TAF1: variants seen among roughly 807,000 people sequenced by gnomAD.
TAF1 encodes the protein transcription initiation factor TFIID subunit 1.
Under a neutral mutation model 138.5 loss-of-function variants are expected in TAF1, and 2 were observed. The ratio of observed to expected loss-of-function variants is 0.01; its 90% CI spans 0.01 to 0.05. The LOEUF is 0.05. Among genes scored for constraint, TAF1 ranks in the 10% least tolerant of loss-of-function variants. The probability of loss-of-function intolerance (pLI) is 1.00; values close to 1 mark genes in which losing one functional copy is unlikely to be tolerated. For missense variants in TAF1, 709 were observed against 1,478.0 expected, an observed-to-expected ratio of 0.48 and a Z score of 8.53; for synonymous variants, 437 against 503.2, an observed-to-expected ratio of 0.87 and a Z score of 1.76.
At chrX:71,451,180 C>CT (rs1323540000) in intron 32 of TAF1, among the ~76,000 whole-genome samples, 2 of 112,154 alleles carry the variant, frequency 1.8e-5, no homozygotes, top group Non-Finnish European at 3.8e-5. Context: ...ACAAACTGAA[C>CT]TAATTTTTTA....
intron 1 of TAF1, among the ~76,000 whole-genome samples, chrX:71,366,751 C>T (rs1327425277): frequency 1.8e-5 from 2 of 111,209 alleles, no homozygotes; most frequent in Non-Finnish European, 3.8e-5. Flanking sequence ...TAGCGCTCTG[C>T]CGACCAGACA....
At chrX:71,499,699 A>G (rs894596859) in intron 13 of TAF1, among the ~76,000 whole-genome samples, 1 of 111,052 alleles carries the variant, frequency 9.0e-6, no homozygotes, top group Non-Finnish European at 1.9e-5. Flanking sequence ...CATACTGGGG[A>G]CGGCTTGCTG....
rs12558071 is a variant in TAF1 at position 71,418,326 on chromosome X, G to T, written c.4385-2983G>T. On this transcript the variant is annotated intron_variant, in intron 28 of 37. Transcript: ENST00000423759. ...TGCCCAGGCTGGTCTCAAACTCCTA[G>T]GCTGAAGCAATCCTCCTGCCTCAGT... is the stretch of plus-strand genomic sequence containing the variant. 6.5e-3 allele frequency among the ~76,000 whole-genome samples: 728 copies of T among 111,793 alleles called. 21 individuals are homozygous for T. Among genetic ancestry groups the T allele is most frequent in the Admixed American group, 0.061 (641 of 10,475 alleles).
chrX:71,421,244 AAAG>A, intron 28 of TAF1, 62 bp from the exon 29 acceptor site: 1 of 1,004,809 alleles, frequency 1.0e-6, no homozygotes, highest in South Asian at 2.0e-5. Flanking sequence ...TTAAAAGGAT[AAAG>A]AAGTGTTGGC....
chrX:71,458,833 A>G (rs1259400659), intron 35 of TAF1, among the ~76,000 whole-genome samples: 2 of 111,806 alleles, frequency 1.8e-5, no homozygotes, highest in Non-Finnish European at 3.8e-5. Flanking sequence ...AAAGTGTAAA[A>G]CCCAGGAGGG....
At chrX:71,469,145 TA>T (rs1168266521), downstream of TAF1, among the ~76,000 whole-genome samples, 1 of 110,436 alleles carries the variant, frequency 9.1e-6, no homozygotes, top group Non-Finnish European at 1.9e-5. Flanking sequence ...TCTACTAAAA[TA>T]AAAAAACAAT....
At chrX:71,423,871 A>G in intron 30 of TAF1, 103 bp from the exon 31 acceptor site, 1 of 604,877 alleles carries the variant, frequency 1.7e-6, no homozygotes, top group Non-Finnish European at 2.6e-6. Flanking sequence ...CTAGGAAAAG[A>G]GTCCATAGCT....
At chrX:71,471,985 T>C (rs182525827) in intron 13 of TAF1, among the ~76,000 whole-genome samples, 2 of 112,207 alleles carry the variant, frequency 1.8e-5, no homozygotes, top group African/African-American at 6.5e-5. Flanking sequence ...GCAAAGGGCA[T>C]AGCCTCTGGT....
intron 25 of TAF1, among the ~76,000 whole-genome samples, chrX:71,406,100 G>C (rs1317979598): frequency 9.1e-6 from 1 of 110,251 alleles, no homozygotes; most frequent in Admixed American, 9.7e-5. Context: ...ATGCCAAGGT[G>C]GGTGGATCAC....
chrX:71,388,623 C>A, intron 16 of TAF1, 115 bp from the exon 17 acceptor site: 1 of 1,038,490 alleles, frequency 9.6e-7, no homozygotes, highest in Non-Finnish European at 1.3e-6. Flanking sequence ...GCCAGTCATG[C>A]CAACTGTGGC....
At chrX:71,443,467 G>T (rs942263698) in intron 32 of TAF1, among the ~76,000 whole-genome samples, 1 of 111,340 alleles carries the variant, frequency 9.0e-6, no homozygotes, top group South Asian at 3.8e-4. Flanking sequence ...CTGTTGGTCT[G>T]TTATTGGTGT....
At chrX:71,396,295 CTTTTTT>C (rs368521405) in intron 22 of TAF1, among the ~76,000 whole-genome samples, 31 of 93,386 alleles carry the variant, frequency 3.3e-4, no homozygotes, top group Non-Finnish European at 6.2e-4. Flanking sequence ...TGCTTGGGTA[CTTTTTT>C]TTTTTTTTTT....
At chrX:71,451,172 A>G (rs1415402423) in intron 32 of TAF1, among the ~76,000 whole-genome samples, 4 of 112,525 alleles carry the variant, frequency 3.6e-5, no homozygotes, top group Non-Finnish European at 7.5e-5. Flanking sequence ...CCATTTTTAC[A>G]AACTGAACTA....
intron 13 of TAF1, among the ~76,000 whole-genome samples, chrX:71,502,288 CAG>C (rs1447245824): frequency 9.0e-6 from 1 of 111,112 alleles, no homozygotes; most frequent in South Asian, 3.8e-4. Flanking sequence ...TAGCTAGACA[CAG>C]AGCGCTGATT....
rs367902126 is a variant in TAF1 at position 71,397,290 on chromosome X, T to C, written c.3444T>C (p.Asp1148=). Residue 1148 remains aspartate, a synonymous_variant, in exon 23 of 38, where the codon GAT becomes GAC. Transcript: ENST00000423759. ...CAGCATCCGGAAACAATCACAGAGA[T>C]GATGACACAGCTTCCGTGACTAGCC... The part of the protein sequence containing the change: ...GSAASGNNHR[D]DDTASVTSLN... The C allele has an allele frequency of 1.5e-5, 18 of 1,211,249 alleles. No homozygotes were observed. The highest frequency in any genetic ancestry group is 1.8e-5 in the Non-Finnish European group (16 of 895,473).
chrX:71,505,560 T>C (rs915605392), intron 13 of TAF1, among the ~76,000 whole-genome samples: 4 of 112,117 alleles, frequency 3.6e-5, no homozygotes, highest in Non-Finnish European at 7.5e-5. Context: ...AAAATCTCAA[T>C]TGAGGGATAT....
At chrX:71,526,824 T>C (rs2040005492) in intron 13 of TAF1, among the ~76,000 whole-genome samples, 1 of 108,627 alleles carries the variant, frequency 9.2e-6, no homozygotes, top group Non-Finnish European at 1.9e-5. Context: ...CTCCAGCATT[T>C]TGAGAGGCCA....
At chrX:71,410,454 CT>C (rs57027102) in intron 28 of TAF1, among the ~76,000 whole-genome samples, 179 of 70,622 alleles carry the variant, frequency 2.5e-3, no homozygotes, top group African/African-American at 8.6e-3. Flanking sequence ...TTTCTTTTTT[CT>C]TTTTTTTTTT....
At chrX:71,467,301 C>G (rs762479787), downstream of TAF1, among the ~76,000 whole-genome samples, 2 of 109,703 alleles carry the variant, frequency 1.8e-5, no homozygotes, top group East Asian at 5.8e-4. Context: ...ACTCAACGAG[C>G]ATGCTGCCTT....
Sources: allele counts gnomAD v4.1 joint callset (sites outside exome capture counted in the v4.1 genomes callset), GRCh38; gene constraint gnomAD v4.1.1; transcripts MANE v1.5; gene names NCBI Gene and HGNC (gene_info 2026-07-23, HGNC 2026-07-21).